The following CCN5 variants were observed in gnomAD, a reference collection of about 807,000 sequenced individuals.
CCN5 encodes CCN family member 5.
CCN5 carries 17 observed loss-of-function variants against 18.7 expected under a neutral mutation model. The ratio of observed to expected loss-of-function variants is 0.91; its 90% CI spans 0.62 to 1.36. The LOEUF (loss-of-function observed/expected upper bound fraction) is 1.36. CCN5 is among the 40% of genes most tolerant of loss of function. The pLI, the probability that CCN5 is intolerant of heterozygous loss-of-function variation, is 0.00. For missense variants in CCN5, 367 were observed against 342.9 expected (o/e 1.07, Z -0.56); for synonymous variants, 135 against 145.2 (o/e 0.93, Z 0.50).
At position 44,724,866 on chromosome 20, in the gene CCN5, G is replaced by A. The variant is rs144796244; in HGVS notation, c.406G>A (p.Glu136Lys). 838 of 1,595,772 alleles carry A rather than the reference G, an allele frequency of 5.3e-4. 6 individuals carry two copies. In the African/African-American group the frequency reaches 8.1e-3, roughly 15 times the overall value. Residue 136 changes from glutamate (E) to lysine (K), a missense_variant, in exon 3 of 4, where the codon GAG becomes AAG. Glu to Lys is a moderately conservative substitution (Grantham distance 56, BLOSUM62 1). Coordinates refer to ENST00000190983, the MANE Select transcript of CCN5 (RefSeq NM_003881.4). ...CTTCACCTGCGTGCCGCTGTGCAGC[G>A]AGGATGTGCGGCTGCCCAGCTGGGA... ...GGFTCVPLCS[E>K]DVRLPSWDCP...
At chr20:44,721,236 GTGACTCA>G (rs549057434) in intron 2 of CCN5, 34 of 152,006 alleles carry the variant, frequency 2.2e-4, no homozygotes, top group African/African-American at 8.2e-4. Context: ...GCCAGGCACA[GTGACTCA>G]TGCCTATAAT....
intron 2 of CCN5, among the ~76,000 whole-genome samples, chr20:44,722,510 CA>C (rs2065907103): frequency 6.7e-6 from 1 of 149,704 alleles, no homozygotes; most frequent in African/African-American, 2.5e-5. Flanking sequence ...CTCTTTCACC[CA>C]GGCTGGTGTG....
At chr20:44,723,288 G>A (rs892676123) in intron 2 of CCN5, among the ~76,000 whole-genome samples, 4 of 150,684 alleles carry the variant, frequency 2.7e-5, no homozygotes, top group African/African-American at 9.7e-5. Flanking sequence ...TTTGCCCCAA[G>A]CCTGGCACAT....
chr20:44,714,957 G>C (rs1156392730), upstream of CCN5: 1 of 171,040 alleles, frequency 5.8e-6, no homozygotes, highest in African/African-American at 2.4e-5. Context: ...CTGGGGTTCG[G>C]ACAGGGGGTC....
In CCN5 at chr20:44,724,423, A is replaced by G. The variant is rs1600995479; in HGVS notation, c.278-315A>G. 1.4e-5 allele frequency: 6 copies of G among 430,096 alleles called. No homozygotes were observed. In the East Asian group the frequency reaches 2.8e-4, roughly 20 times the overall value. The allele number at this position is 430,096 out of a possible 1,614,324, so 26.6% of individuals were successfully genotyped here. A position where few individuals can be genotyped will look rare whatever the true frequency, so the allele number is the denominator to read the frequency against. On this transcript the variant is annotated intron_variant, in intron 2 of 3. Coordinates refer to ENST00000190983, the MANE Select transcript of CCN5 (RefSeq NM_003881.4). ...TCTACCACCCTGGAAAATAAGTACC[A>G]TTATATCCCAGCTTGCAAATGTGGA...
In CCN5 at chr20:44,715,415, C is replaced by G; in HGVS notation, c.25C>G (p.Leu9Val). The stretch of plus-strand genomic sequence containing the variant: ...CATGAGAGGCACACCGAAGACCCAC[C>G]TCCTGGCCTTCTCCCTCCTCTGCCT... MRGTPKTH[L>V]LAFSLLCLLS... The change falls in exon 1 of 4, where the codon CTC (leucine) becomes GTC (valine). Residue 9 changes from leucine (L) to valine (V), a missense_variant. Coordinates refer to ENST00000190983, the MANE Select transcript of CCN5 (RefSeq NM_003881.4). The G allele has an allele frequency of 6.2e-7, 1 of 1,603,514 alleles. No homozygotes were observed. Among genetic ancestry groups the G allele is most frequent in the Non-Finnish European group, 8.5e-7 (1 of 1,175,344 alleles).
chr20:44,726,996 TGACCAA>T (rs1208193673), intron 3 of CCN5, 85 bp from the exon 4 acceptor site: 23 of 1,272,552 alleles, frequency 1.8e-5, no homozygotes, highest in Non-Finnish European at 2.4e-5. Context: ...CTGAGCCATT[TGACCAA>T]GATTGCCGTG....
chr20:44,715,895 C>T (rs1383645929), intron 1 of CCN5, among the ~76,000 whole-genome samples: 1 of 152,198 alleles, frequency 6.6e-6, no homozygotes, highest in Non-Finnish European at 1.5e-5. Context: ...GGCATCAATG[C>T]TGTTGGACTC....
chr20:44,721,648 T>C (rs2065900968), intron 2 of CCN5: 2 of 152,102 alleles, frequency 1.3e-5, no homozygotes, highest in South Asian at 4.1e-4. Context: ...TGAAGAACAA[T>C]TGAGATAAGT....
At chr20:44,715,229 T>TTGTGTGTGTG (rs746209770), upstream of CCN5, 1,427 of 517,276 alleles carry the variant, frequency 2.8e-3, 5 homozygotes, top group South Asian at 5.2e-3. Context: ...GCTAGTGTGT[T>TTGTGTGTGTG]TGTGTGTGTG....
At chr20:44,717,017 G>A (rs2065864228) in intron 1 of CCN5, among the ~76,000 whole-genome samples, 1 of 152,094 alleles carries the variant, frequency 6.6e-6, no homozygotes, top group South Asian at 2.1e-4. Context: ...CAGTACTCCT[G>A]CCCCAGATAT....
chr20:44,724,581 G>A (rs2065921727), intron 2 of CCN5, 157 bp from the exon 3 acceptor site: 8 of 1,159,752 alleles, frequency 6.9e-6, no homozygotes, highest in Non-Finnish European at 9.5e-6. Context: ...GCAGGCTGGT[G>A]GAGGGCTGGG....
intron 2 of CCN5, among the ~76,000 whole-genome samples, chr20:44,722,265 A>G (rs114876814): frequency 0.02 from 3,014 of 152,220 alleles, 96 homozygotes; most frequent in African/African-American, 0.067. Flanking sequence ...TTACTCGTTG[A>G]ACGCTCTTCT....
chr20:44,715,276 CGCGCGTGTGTACTCGT>C, upstream of CCN5: 2 of 769,404 alleles, frequency 2.6e-6, no homozygotes, highest in South Asian at 1.5e-5. Flanking sequence ...CGCGCGCGCG[CGCGCGTGTGTACTCGT>C]GCGTGTGCCT....
intron 1 of CCN5, among the ~76,000 whole-genome samples, chr20:44,719,344 A>G (rs2065881352): frequency 6.6e-6 from 1 of 152,218 alleles, no homozygotes; most frequent in Admixed American, 6.5e-5. Flanking sequence ...CACTCAGCTA[A>G]TAAGGGGCAG....
In CCN5 at chr20:44,720,159, G is replaced by A. The variant is rs1373641792; in HGVS notation, c.277+46G>A. On this transcript the variant is annotated intron_variant, in intron 2 of 3. Transcript: ENST00000190983. Reference sequence around the variant, plus strand: ...GAGTGGGGGCGGGTGTGAGCGGGAGGTCAAGGCCGTGGTGTCCTGGATCAA... The same window carrying A: ...GAGTGGGGGCGGGTGTGAGCGGGAGATCAAGGCCGTGGTGTCCTGGATCAA... The A allele has an allele frequency of 9.8e-6, 15 of 1,525,984 alleles. No homozygotes were observed. The East Asian group carries it at 3.4e-4, about 35-fold the overall frequency. 94.5% of individuals were successfully genotyped at this position (1,525,984 alleles called of 1,614,324 possible).
At chr20:44,722,178 A>G (rs1455352561) in intron 2 of CCN5, among the ~76,000 whole-genome samples, 2 of 152,222 alleles carry the variant, frequency 1.3e-5, no homozygotes, top group Non-Finnish European at 2.9e-5. Flanking sequence ...TGAACCCCAA[A>G]GAGTCCAGCT....
At chr20:44,721,957 G>C (rs2065903043) in intron 2 of CCN5, among the ~76,000 whole-genome samples, 1 of 152,238 alleles carries the variant, frequency 6.6e-6, no homozygotes, top group Non-Finnish European at 1.5e-5. Context: ...TGCCTGACAT[G>C]CAGCAGTTGA....
chr20:44,715,134 T>A, upstream of CCN5: 1 of 497,124 alleles, frequency 2.0e-6, no homozygotes. Flanking sequence ...AGGCACCCCC[T>A]TGGTGGCCTT....
Sources: allele counts gnomAD v4.1 joint callset (sites outside exome capture counted in the v4.1 genomes callset), GRCh38; gene constraint gnomAD v4.1.1; transcripts MANE v1.5; gene names NCBI Gene and HGNC (gene_info 2026-07-23, HGNC 2026-07-21).